Variants in TMEM109 observed in about 807,000 individuals in gnomAD.
The protein encoded by TMEM109 is transmembrane protein 109, also known as voltage-gated monoatomic cation channel TMEM109.
Under a neutral mutation model 26.4 loss-of-function variants are expected in TMEM109, and 19 were observed. The ratio of observed to expected loss-of-function variants is 0.72; its 90% confidence interval spans 0.50 to 1.06. The LOEUF (loss-of-function observed/expected upper bound fraction) is 1.06, where lower values mean the gene tolerates loss of function less well. TMEM109 is among the 50% of genes least tolerant of loss of function. The probability of loss-of-function intolerance (pLI) is 0.00; values close to 1 mark genes in which losing one functional copy is unlikely to be tolerated. For missense variants in TMEM109, 262 were observed against 303.4 expected (o/e 0.86, Z 1.01); for synonymous variants, 129 against 142.0 (o/e 0.91, Z 0.65).
chr11:60,915,645 C>T (rs549470108), intron 1 of TMEM109, among the ~76,000 whole-genome samples: 8 of 152,268 alleles, frequency 5.3e-5, no homozygotes, highest in African/African-American at 1.7e-4. Context: ...CAGTCAGAGC[C>T]GGTAGAGGGC....
intron 1 of TMEM109, among the ~76,000 whole-genome samples, chr11:60,917,495 T>G (rs1193325729): frequency 1.3e-5 from 2 of 152,382 alleles, no homozygotes; most frequent in South Asian, 2.1e-4. Context: ...TCTTGGCTGA[T>G]CCTTACCTGC....
In TMEM109 at chr11:60,921,884, T is replaced by C. The variant is rs1181871381; in HGVS notation, c.451T>C (p.Leu151=). 1.9e-6 allele frequency: 3 copies of C among 1,614,148 alleles called. No homozygotes were observed. Among genetic ancestry groups the C allele is most frequent in the Admixed American group, 1.7e-5 (1 of 60,018 alleles). ...CTGGCTGCTGTCTCTGCTCCTCGGC[T>C]TGGTCTTGGCCTTGCTGGGGCGGAT... The part of the protein sequence containing the change: ...VYWLLSLLLG[L]VLALLGRILW... The change falls in exon 4 of 4, where the codon TTG becomes CTG. Residue 151 remains leucine, a synonymous_variant. Transcript: ENST00000227525.
intron 1 of TMEM109, among the ~76,000 whole-genome samples, chr11:60,914,550 C>G (rs1042839615): frequency 6.6e-5 from 10 of 152,202 alleles, no homozygotes; most frequent in African/African-American, 2.4e-4. Context: ...GCGTGGGGAC[C>G]AGGCCAGCGC....
At chr11:60,916,719 T>C (rs763397297) in intron 1 of TMEM109, among the ~76,000 whole-genome samples, 6 of 152,248 alleles carry the variant, frequency 3.9e-5, no homozygotes, top group Non-Finnish European at 7.3e-5. Context: ...CCAGCCTCAC[T>C]GCAGAGGGCT....
intron 1 of TMEM109, among the ~76,000 whole-genome samples, chr11:60,914,481 C>A (rs1179185640): frequency 6.6e-6 from 1 of 152,154 alleles, no homozygotes; most frequent in Admixed American, 6.5e-5. Context: ...CGCACGTTTC[C>A]GGGGAGAAGA....
chr11:60,919,570 G>C, intron 1 of TMEM109, 116 bp from the exon 2 acceptor site: 1 of 829,240 alleles, frequency 1.2e-6, no homozygotes, highest in Admixed American at 2.0e-5. Flanking sequence ...TTTCTTTCCA[G>C]GGTTAGTTTG....
In TMEM109 at chr11:60,923,344, C is replaced by T. The variant is rs909765629; in HGVS notation, c.*1179C>T. 1.3e-5 allele frequency: 2 copies of T among 152,700 alleles called. No homozygotes were observed. The highest frequency in any genetic ancestry group is 4.8e-5 in the African/African-American group (2 of 41,470). The allele number at this position is 152,700 out of a possible 1,614,324, so 9.5% of individuals were successfully genotyped here. A position where few individuals can be genotyped will look rare whatever the true frequency, so the allele number is the denominator to read the frequency against. On this transcript the variant is annotated 3_prime_UTR_variant, in exon 4 of 4. Coordinates refer to ENST00000227525, the MANE Select transcript of TMEM109 (RefSeq NM_024092.3). Reference sequence around the variant, plus strand: ...ACTGTTCAGGTTTGATGTGGAATCACAGCTGCAGTGATATATATTTTTTAT... The same window carrying T: ...ACTGTTCAGGTTTGATGTGGAATCATAGCTGCAGTGATATATATTTTTTAT...
chr11:60,920,885 G>T lies in TMEM109; in HGVS notation c.238-1G>T. ...CATCTCGCTCCGTGCTCTTTCCACA[G>T]TCTTCGTCCCAAGTGTTGTGGGCCA... On this transcript the variant is annotated splice_acceptor_variant, in intron 2 of 3. Transcript: ENST00000227525. LOFTEE classifies it high-confidence loss of function. 7 of 1,613,902 alleles carry T rather than the reference G, an allele frequency of 4.3e-6. No individual in the cohort carries two copies. The highest frequency in any genetic ancestry group is 5.9e-6 in the Non-Finnish European group (7 of 1,179,780).
At position 60,920,781 on chromosome 11, in the gene TMEM109, G is replaced by C. The variant is rs1856226471; in HGVS notation, c.238-105G>C. On this transcript the variant is annotated intron_variant, in intron 2 of 3. Coordinates refer to ENST00000227525, the MANE Select transcript of TMEM109 (RefSeq NM_024092.3). The stretch of plus-strand genomic sequence containing the variant: ...GCCTGTCACCACTGGGTGAGAAACA[G>C]GTCTGAGACATTCCTGCAGTTCTTG... The C allele has an allele frequency of 5.7e-6, 6 of 1,045,372 alleles. No homozygotes were observed. In the Admixed American group the frequency reaches 1.1e-4, roughly 18 times the overall value. 64.8% of individuals were successfully genotyped at this position (1,045,372 alleles called of 1,614,324 possible). A position where few individuals can be genotyped will look rare whatever the true frequency, so the allele number is the denominator to read the frequency against.
intron 2 of TMEM109, among the ~76,000 whole-genome samples, chr11:60,920,168 C>G (rs1255978000): frequency 2.6e-5 from 4 of 152,176 alleles, no homozygotes; most frequent in African/African-American, 7.2e-5. Flanking sequence ...GCCAGAAAGG[C>G]TGGGAAATGA....
Position 60,921,664 on chromosome 11 carries a change from G to A in TMEM109, c.341-110G>A, listed in dbSNP as rs1590618001. ...ATATCACTCTGAGTCTGCGAGAACG[G>A]CTTATTCCTTTGCAATGTGCCTAGC... On this transcript the variant is annotated intron_variant, in intron 3 of 3. Coordinates refer to ENST00000227525, the MANE Select transcript of TMEM109 (RefSeq NM_024092.3). The A allele has an allele frequency of 2.3e-5, 19 of 810,760 alleles. No individual in the cohort carries two copies. The East Asian group carries it at 4.4e-4, about 19-fold the overall frequency. The allele number at this position is 810,760 out of a possible 1,614,324, so 50.2% of individuals were successfully genotyped here.
At chr11:60,914,953 A>G (rs1377978706) in intron 1 of TMEM109, among the ~76,000 whole-genome samples, 1 of 152,174 alleles carries the variant, frequency 6.6e-6, no homozygotes, top group African/African-American at 2.4e-5. Flanking sequence ...TGGCTGCTGT[A>G]TATTTGGATC....
chr11:60,922,592 T>G lies in TMEM109; in HGVS notation c.*427T>G. 1 of 368,264 alleles carries G rather than the reference T, an allele frequency of 2.7e-6. No homozygotes were observed. The highest frequency in any genetic ancestry group is 2.1e-5 in the South Asian group (1 of 46,812). 22.8% of individuals were successfully genotyped at this position (368,264 alleles called of 1,614,324 possible). On this transcript the variant is annotated 3_prime_UTR_variant, in exon 4 of 4. Transcript: ENST00000227525. ...GTTGCTCCTTGGCCAAATCTCCAGCTCCCTTCTTGTTTTCCTCATCCTCCT... is the reference window on the plus strand; with the variant it reads ...GTTGCTCCTTGGCCAAATCTCCAGCGCCCTTCTTGTTTTCCTCATCCTCCT...
At chr11:60,921,385 A>G (rs1180854169) in intron 3 of TMEM109, among the ~76,000 whole-genome samples, 1 of 151,908 alleles carries the variant, frequency 6.6e-6, no homozygotes, top group Non-Finnish European at 1.5e-5. Flanking sequence ...ACGTCACTGC[A>G]CTCCAGCCTC....
At position 60,919,802 on chromosome 11, in the gene TMEM109, C is replaced by T. The variant is rs1392096081; in HGVS notation, c.109C>T (p.Arg37Ter). The change falls in exon 2 of 4, where the codon CGA (arginine) becomes TGA (stop). Residue 37 changes from arginine to a stop codon, truncating the protein, a stop_gained. Coordinates refer to ENST00000227525, the MANE Select transcript of TMEM109 (RefSeq NM_024092.3). LOFTEE classifies it high-confidence loss of function. ...CCACTCAGCATTGGCCCAGTCCCGTCGAGACTTTGCACCACCAGGCCAACA... is the reference window on the plus strand; with the variant it reads ...CCACTCAGCATTGGCCCAGTCCCGTTGAGACTTTGCACCACCAGGCCAACA... ...LLHSALAQSR[R>*]DFAPPGQQKR... 1.2e-6 allele frequency: 2 copies of T among 1,614,136 alleles called. No homozygotes were observed. Among genetic ancestry groups the T allele is most frequent in the East Asian group, 2.2e-5 (1 of 44,886 alleles).
At chr11:60,921,087 G>A in intron 3 of TMEM109, 99 bp downstream of exon 3, 2 of 1,063,726 alleles carry the variant, frequency 1.9e-6, no homozygotes, top group Non-Finnish European at 1.4e-6. Context: ...TCCCCAAGCT[G>A]CTTAACCCTT....
chr11:60,919,575 A>T, intron 1 of TMEM109, 111 bp from the exon 2 acceptor site: 1 of 852,824 alleles, frequency 1.2e-6, no homozygotes, highest in Non-Finnish European at 1.9e-6. Flanking sequence ...TTCCAGGGTT[A>T]GTTTGGTGCT....
At position 60,921,008 on chromosome 11, in the gene TMEM109, G is replaced by C; in HGVS notation, c.340+20G>C. 1 of 1,603,996 alleles carries C rather than the reference G, an allele frequency of 6.2e-7. No homozygotes were observed. Among genetic ancestry groups the C allele is most frequent in the Non-Finnish European group, 8.5e-7 (1 of 1,171,162 alleles). On this transcript the variant is annotated intron_variant, in intron 3 of 3. Transcript: ENST00000227525. ...TAGCTGGTGAGTGTTCGAGTGCTGG[G>C]TAGTCAGCCAGAGCTTTGCCTGTAC...
chr11:60,917,343 C>A (rs1033735745), intron 1 of TMEM109, among the ~76,000 whole-genome samples: 2 of 152,150 alleles, frequency 1.3e-5, no homozygotes, highest in African/African-American at 4.8e-5. Context: ...CATGGCTTAG[C>A]CTCTGATCAT....
Sources: gnomAD v4.1 joint callset for allele counts (sites outside exome capture counted in the v4.1 genomes callset) on GRCh38, gnomAD v4.1.1 for gene constraint, MANE v1.5 for transcripts, NCBI Gene and HGNC (gene_info 2026-07-23, HGNC 2026-07-21) for gene names.